Variants in HHLA1 observed in about 807,000 individuals in gnomAD.
The protein encoded by HHLA1 is HHLA1 neighbor of OC90.
A neutral mutation model predicts 69.9 loss-of-function variants in HHLA1; 72 were observed. The ratio of observed to expected loss-of-function variants is 1.03; its 90% CI spans 0.85 to 1.25. The LOEUF (loss-of-function observed/expected upper bound fraction) is 1.25. Among genes scored for constraint, HHLA1 ranks in the 50% most tolerant of loss-of-function variants. HHLA1 has a pLI of 0.00. For synonymous variants in HHLA1, 252 were observed against 233.2 expected, an observed-to-expected ratio of 1.08 and a Z score of -0.73; for missense variants, 685 against 642.2, an observed-to-expected ratio of 1.07 and a Z score of -0.72.
chr8:132,106,609 G>C (rs958098915), intron 1 of HHLA1, among the ~76,000 whole-genome samples: 1 of 152,222 alleles, frequency 6.6e-6, no homozygotes, highest in South Asian at 2.1e-4. Flanking sequence ...CTGGCACATC[G>C]TTATGCTCAC....
rs753595970 is a variant in HHLA1 at position 132,076,558 on chromosome 8, G to A, written c.1172-15C>T. 6.7e-7 allele frequency: 1 copy of A among 1,500,724 alleles called. No homozygotes were observed. Among genetic ancestry groups the A allele is most frequent in the South Asian group, 1.3e-5 (1 of 74,790 alleles). The allele number at this position is 1,500,724 out of a possible 1,614,324, so 93.0% of individuals were successfully genotyped here. ...GGTGAATGCTCCTGGGAGGAGATGA[G>A]AGAGAGGTGAGCCTGCATCTCTTCT... is the stretch of plus-strand genomic sequence containing the variant. On this transcript the variant is annotated splice_polypyrimidine_tract_variant and intron_variant, in intron 12 of 16. Transcript: ENST00000414222.
In HHLA1 at chr8:132,087,701, A is replaced by G. The variant is rs776830030; in HGVS notation, c.628T>C (p.Tyr210His). Residue 210 changes from tyrosine to histidine, a missense_variant, in exon 10 of 17, where the codon TAT (tyrosine) becomes CAT (histidine). Coordinates refer to ENST00000414222, the MANE Select transcript of HHLA1 (RefSeq NM_001145095.3). ...GTAAATGTGTAATTGATAATGGGAT[A>G]TTTTTCTTCTATCTCCCAGAAGTCA... Reference protein sequence around the residue: ...LSDFWEIEEKYPIINYTFTSG... With the variant: ...LSDFWEIEEKHPIINYTFTSG... 2.2e-5 allele frequency: 34 copies of G among 1,551,424 alleles called. No individual in the cohort carries two copies. Among genetic ancestry groups the G allele is most frequent in the Non-Finnish European group, 2.9e-5 (33 of 1,146,910 alleles).
intron 15 of HHLA1, chr8:132,069,758 A>T (rs563714076): frequency 6.6e-6 from 1 of 151,932 alleles, no homozygotes; most frequent in South Asian, 2.1e-4. Flanking sequence ...CCAACTATGA[A>T]ACCCTCAGTT....
intron 3 of HHLA1, 123 bp from the exon 4 acceptor site, chr8:132,100,257 T>C (rs993728787): frequency 1.4e-6 from 1 of 707,198 alleles, no homozygotes. Flanking sequence ...TGGCGGACAC[T>C]GAGGAAAGGC....
At chr8:132,074,275 A>G (rs937926591) in intron 14 of HHLA1, among the ~76,000 whole-genome samples, 1 of 151,890 alleles carries the variant, frequency 6.6e-6, no homozygotes, top group African/African-American at 2.4e-5. Flanking sequence ...CTGGATATAC[A>G]TAGCAGTTTC....
At chr8:132,086,105 G>T (rs1823856342) in intron 10 of HHLA1, among the ~76,000 whole-genome samples, 1 of 152,114 alleles carries the variant, frequency 6.6e-6, no homozygotes, top group South Asian at 2.1e-4. Context: ...AATTCAGAGG[G>T]AAATCTACCC....
chr8:132,086,966 AC>A (rs558019784), intron 10 of HHLA1, among the ~76,000 whole-genome samples: 90 of 152,316 alleles, frequency 5.9e-4, no homozygotes, highest in African/African-American at 2.0e-3. Context: ...TACTTATTCT[AC>A]CTTAAAGTTC....
rs542502398 is a variant in HHLA1, at chr8:132,098,749, A to G, written c.280+133T>C. On this transcript the variant is annotated intron_variant, in intron 5 of 16. Transcript: ENST00000414222. Reference sequence around the variant, plus strand: ...AGGCGTGAGACACTGAGCTCAGCCTATTCTCCACTCTGAACACCGAGAAAC... The same window carrying G: ...AGGCGTGAGACACTGAGCTCAGCCTGTTCTCCACTCTGAACACCGAGAAAC... 9.7e-6 allele frequency: 6 copies of G among 618,056 alleles called. No individual in the cohort carries two copies. In the Admixed American group the frequency reaches 1.2e-4, roughly 12 times the overall value. 38.3% of individuals were successfully genotyped at this position (618,056 alleles called of 1,614,324 possible). A position where few individuals can be genotyped will look rare whatever the true frequency, so the allele number is the denominator to read the frequency against.
chr8:132,100,127 G>T lies in HHLA1; in HGVS notation c.147C>A (p.Gly49=). 2 of 1,550,190 alleles carry T rather than the reference G, an allele frequency of 1.3e-6. No homozygotes were observed. The highest frequency in any genetic ancestry group is 1.7e-6 in the Non-Finnish European group (2 of 1,145,676). The change falls in exon 4 of 17, where the codon GGC becomes GGA. Residue 49 remains glycine (G), a synonymous_variant. Transcript: ENST00000414222. ...TCTCCTTCCTCTCTTCTTCTCTAAG[G>T]CCAGACACTGGGAAGGAGACAGTTT... ...GMTFLPTTVS[G]LREEERKEKG...
chr8:132,086,421 G>T (rs147755987), intron 10 of HHLA1, among the ~76,000 whole-genome samples: 1 of 152,160 alleles, frequency 6.6e-6, no homozygotes, highest in African/African-American at 2.4e-5. Flanking sequence ...AACACCCTGC[G>T]TGCAACACCA....
intron 16 of HHLA1, among the ~76,000 whole-genome samples, chr8:132,065,549 T>A (rs1362393624): frequency 6.6e-6 from 1 of 152,252 alleles, no homozygotes; most frequent in East Asian, 1.9e-4. Flanking sequence ...CCCAAAGTGC[T>A]GGGATTACAG....
At position 132,077,626 on chromosome 8, in the gene HHLA1, G is replaced by C. The variant is rs147088060; in HGVS notation, c.1171+100C>G. The C allele has an allele frequency of 3.9e-5, 45 of 1,167,204 alleles. No homozygotes were observed. In the African/African-American group the frequency reaches 5.1e-4, roughly 13 times the overall value. The allele number at this position is 1,167,204 out of a possible 1,614,324, so 72.3% of individuals were successfully genotyped here. Reference sequence around the variant, plus strand: ...GATCATTATGTTTTCTTAGTTTTCTGTGTGTGTATTATATTCCAAAAATTT... The same window carrying C: ...GATCATTATGTTTTCTTAGTTTTCTCTGTGTGTATTATATTCCAAAAATTT... On this transcript the variant is annotated intron_variant, in intron 12 of 16. Coordinates refer to ENST00000414222, the MANE Select transcript of HHLA1 (RefSeq NM_001145095.3).
intron 7 of HHLA1, among the ~76,000 whole-genome samples, chr8:132,093,310 T>C (rs1415149907): frequency 2.6e-5 from 4 of 152,246 alleles, no homozygotes; most frequent in Non-Finnish European, 5.9e-5. Flanking sequence ...CCATGTTGCA[T>C]AGCATCTTGA....
chr8:132,098,748 T>G, intron 5 of HHLA1, 134 bp downstream of exon 5: 1 of 614,474 alleles, frequency 1.6e-6, no homozygotes, highest in South Asian at 2.0e-5. Flanking sequence ...GAGCTCAGCC[T>G]ATTCTCCACT....
At chr8:132,071,526 G>A (rs1333438146) in intron 14 of HHLA1, 33 bp from the exon 15 acceptor site, 3 of 1,547,480 alleles carry the variant, frequency 1.9e-6, no homozygotes, top group East Asian at 2.4e-5. Flanking sequence ...AATTAAATCA[G>A]TAAGAGTTTA....
intron 10 of HHLA1, among the ~76,000 whole-genome samples, chr8:132,082,079 C>T (rs1388868870): frequency 3.3e-5 from 5 of 151,930 alleles, no homozygotes; most frequent in African/African-American, 1.2e-4. Flanking sequence ...GTAATGGGGG[C>T]CAGGTGTGGT....
chr8:132,066,432 G>A (rs1823440850), intron 15 of HHLA1, among the ~76,000 whole-genome samples: 1 of 152,208 alleles, frequency 6.6e-6, no homozygotes, highest in Non-Finnish European at 1.5e-5. Flanking sequence ...AGAGAGTGGA[G>A]TGCTGCTGTC....
intron 12 of HHLA1, 40 bp from the exon 13 acceptor site, chr8:132,076,583 T>C (rs572350729): frequency 1.6e-5 from 22 of 1,364,726 alleles, no homozygotes; most frequent in Non-Finnish European, 2.1e-5. Context: ...GCATCTCTTC[T>C]AGGGGGCCCT....
intron 5 of HHLA1, among the ~76,000 whole-genome samples, chr8:132,096,585 C>T (rs995450446): frequency 6.6e-6 from 1 of 152,162 alleles, no homozygotes; most frequent in African/African-American, 2.4e-5. Flanking sequence ...CTTATCTACT[C>T]TCCATCAGTG....
Sources: gnomAD v4.1 joint callset for allele counts (sites outside exome capture counted in the v4.1 genomes callset) on GRCh38, gnomAD v4.1.1 for gene constraint, MANE v1.5 for transcripts, NCBI Gene and HGNC (gene_info 2026-07-23, HGNC 2026-07-21) for gene names.